Variants in ARID3A observed in about 807,000 individuals in gnomAD.
ARID3A encodes AT-rich interactive domain-containing protein 3A.
In ARID3A, 11 loss-of-function variants were observed where a neutral mutation model predicts 52.7. That is an observed-to-expected ratio of 0.21 (90% confidence interval 0.13 to 0.35). The LOEUF is 0.35. Ranked by LOEUF, ARID3A falls within the 10% of genes least tolerant of loss-of-function variation. The pLI is 1.00. For synonymous variants in ARID3A, 404 were observed against 359.4 expected (o/e 1.12, Z -1.40); for missense variants, 721 against 838.5 (o/e 0.86, Z 1.73).
chr19:969,985 G>A (rs1375624759), intron 8 of ARID3A, among the ~76,000 whole-genome samples: 2 of 151,700 alleles, frequency 1.3e-5, no homozygotes, highest in Non-Finnish European at 2.9e-5. Context: ...GAACCACCGC[G>A]CCCACCCTAT....
At position 941,815 on chromosome 19, in the gene ARID3A, T is replaced by C. The variant is rs935868312; in HGVS notation, c.693+9073T>C. Among the ~76,000 whole-genome samples the C allele has an allele frequency of 8.1e-5, 11 of 135,326 alleles. No homozygotes were observed. Among genetic ancestry groups the C allele is most frequent in the Non-Finnish European group, 1.2e-4 (8 of 64,236 alleles). 88.8% of individuals were successfully genotyped at this position (135,326 alleles called of 152,430 possible). On this transcript the variant is annotated intron_variant, in intron 3 of 8. Coordinates refer to ENST00000263620, the MANE Select transcript of ARID3A (RefSeq NM_005224.3). The surrounding 1 kb of genome is among the most constrained non-coding windows in gnomAD (Gnocchi z 6.9). ...TGTGTGTGTGTGTGTGTGTCAGGGG[T>C]GGCTGCAAGCGTATGTGTGTGTGCA...
chr19:967,293 C>T (rs895200916), intron 7 of ARID3A, among the ~76,000 whole-genome samples: 2 of 151,344 alleles, frequency 1.3e-5, no homozygotes, highest in African/African-American at 4.9e-5. Flanking sequence ...ACTGGCTGGG[C>T]ACCGTGGCTC....
At chr19:957,123 C>T (rs1383309901) in intron 3 of ARID3A, among the ~76,000 whole-genome samples, 3 of 145,614 alleles carry the variant, frequency 2.1e-5, no homozygotes, top group Non-Finnish European at 3.0e-5. Flanking sequence ...TGGGGGGGGG[C>T]GCTGGGGGAC....
At chr19:939,795 T>G (rs1044904119) in intron 3 of ARID3A, among the ~76,000 whole-genome samples, 2 of 152,174 alleles carry the variant, frequency 1.3e-5, no homozygotes, top group African/African-American at 4.8e-5. Flanking sequence ...TAAGCAATAC[T>G]GTAACGAACA....
chr19:928,951 C>G (rs1048962968), intron 1 of ARID3A: 16 of 152,316 alleles, frequency 1.1e-4, no homozygotes, highest in African/African-American at 3.6e-4. Flanking sequence ...GGGCCCGGAG[C>G]CCGCTGGCCA....
chr19:955,709 A>AG (rs148915291), intron 3 of ARID3A, among the ~76,000 whole-genome samples: 4 of 152,048 alleles, frequency 2.6e-5, no homozygotes, highest in African/African-American at 9.7e-5. Context: ...GTGCCAGGGA[A>AG]GGGGGGGTCC....
intron 6 of ARID3A, among the ~76,000 whole-genome samples, chr19:965,821 G>T (rs185518507): frequency 2.5e-4 from 38 of 151,702 alleles, no homozygotes; most frequent in African/African-American, 9.2e-4. Context: ...GTGAAACCCT[G>T]TCTCTACTAA....
In ARID3A at chr19:942,781, G is replaced by C. The variant is rs185392944; in HGVS notation, c.693+10039G>C. Among the ~76,000 whole-genome samples the C allele has an allele frequency of 6.6e-6, 1 of 152,318 alleles. No individual in the cohort carries two copies. The highest frequency in any genetic ancestry group is 1.9e-4 in the East Asian group (1 of 5,184). On this transcript the variant is annotated intron_variant, in intron 3 of 8. Coordinates refer to ENST00000263620, the MANE Select transcript of ARID3A (RefSeq NM_005224.3). This position sits in a 1 kb window ranked among gnomAD's most constrained non-coding sequence, Gnocchi z 8.1. Reference sequence around the variant, plus strand: ...GATTCCATGCCCAGCAGCCTCCTCTGCCACCCTCAGAGACGGAGAACGTGA... The same window carrying C: ...GATTCCATGCCCAGCAGCCTCCTCTCCCACCCTCAGAGACGGAGAACGTGA...
rs74873695 is a variant in ARID3A, at chr19:944,325, G to GGTGT, written c.693+11604_693+11607dup. On this transcript the variant is annotated intron_variant, in intron 3 of 8. Transcript: ENST00000263620. The surrounding 1 kb of genome is among the most constrained non-coding windows in gnomAD (Gnocchi z 5.9). ...TCTGGCTGCAGGGGCGCGTCCAGGG[G>GGTGT]GTGTGTGTGTGTGTGTGTGTGTGTC... 0.12 allele frequency among the ~76,000 whole-genome samples: 17,599 copies of GGTGT among 149,788 alleles called. 1,090 individuals are homozygous for GGTGT. The highest frequency in any genetic ancestry group is 0.23 in the East Asian group (1,152 of 5,014).
At chr19:955,998 T>C (rs1351349521) in intron 3 of ARID3A, among the ~76,000 whole-genome samples, 1 of 151,362 alleles carries the variant, frequency 6.6e-6, no homozygotes, top group Non-Finnish European at 1.5e-5. Flanking sequence ...GCTCCAGGAG[T>C]CCCTTGACAT....
intron 6 of ARID3A, among the ~76,000 whole-genome samples, chr19:965,663 C>T (rs1484115931): frequency 6.6e-6 from 1 of 152,106 alleles, no homozygotes; most frequent in Non-Finnish European, 1.5e-5. Context: ...CACTGCACTA[C>T]AGCCTGAGCA....
chr19:972,081 C>T lies in ARID3A; in HGVS notation c.*16C>T. The T allele has an allele frequency of 1.3e-6, 2 of 1,509,580 alleles. No individual in the cohort carries two copies. The highest frequency in any genetic ancestry group is 1.8e-6 in the Non-Finnish European group (2 of 1,131,946). 93.5% of individuals were successfully genotyped at this position (1,509,580 alleles called of 1,614,324 possible). On this transcript the variant is annotated 3_prime_UTR_variant, in exon 9 of 9. Transcript: ENST00000263620. ...GTTGCCTTAACCGCATCACTCCCCACCCGCCACCCACCCTGGAGCCCGCCG... is the reference window on the plus strand; with the variant it reads ...GTTGCCTTAACCGCATCACTCCCCATCCGCCACCCACCCTGGAGCCCGCCG...
chr19:971,919 G>A lies in ARID3A; in HGVS notation c.1636G>A (p.Ala546Thr), dbSNP rs1418467220. The A allele has an allele frequency of 5.6e-6, 9 of 1,604,850 alleles. No homozygotes were observed. Among genetic ancestry groups the A allele is most frequent in the East Asian group, 2.3e-5 (1 of 43,282 alleles). Residue 546 changes from alanine to threonine, a missense_variant, in exon 9 of 9, where the codon GCT (alanine) becomes ACT (threonine). Ala to Thr is a moderately conservative substitution (Grantham distance 58). This residue lies in a region of ARID3A where 297 missense variants were observed against 343.2 expected (regional missense o/e 0.87). Transcript: ENST00000263620. Reference protein sequence around the residue: ...AQPPAPTPTSAPNKGGGGGGG... With the variant: ...AQPPAPTPTSTPNKGGGGGGG... The stretch of plus-strand genomic sequence containing the variant: ...GCCGCCGGCCCCCACGCCAACCTCT[G>A]CTCCCAACAAAGGAGGCGGCGGCGG...
Position 975,762 on chromosome 19 carries a change from CCA to C in ARID3A, c.*3698_*3699del, listed in dbSNP as rs1491318714. ...AAAAAAAAAAAAAAAGACAAAAAGACCAAAAAAAAAAAAAAGTGTGATTTTGA... is the reference window on the plus strand; with the variant it reads ...AAAAAAAAAAAAAAAGACAAAAAGACAAAAAAAAAAAAAGTGTGATTTTGA... On this transcript the variant is annotated 3_prime_UTR_variant, in exon 9 of 9. Coordinates refer to ENST00000263620, the MANE Select transcript of ARID3A (RefSeq NM_005224.3). 6 of 102,900 alleles carry C rather than the reference CCA, an allele frequency of 5.8e-5. No homozygotes were observed. The highest frequency in any genetic ancestry group is 5.3e-4 in the East Asian group (5 of 9,454). 6.4% of individuals were successfully genotyped at this position (102,900 alleles called of 1,614,324 possible). A position where few individuals can be genotyped will look rare whatever the true frequency, so the allele number is the denominator to read the frequency against.
intron 3 of ARID3A, among the ~76,000 whole-genome samples, chr19:945,369 C>T (rs1303083096): frequency 2.6e-5 from 4 of 152,324 alleles, no homozygotes; most frequent in Non-Finnish European, 2.9e-5. Flanking sequence ...AGAGAGGGGA[C>T]GGCGTGTGGC....
intron 3 of ARID3A, among the ~76,000 whole-genome samples, chr19:946,577 A>C (rs1483313869): frequency 6.7e-6 from 1 of 149,894 alleles, no homozygotes; most frequent in Non-Finnish European, 1.5e-5. Flanking sequence ...AGTAGCTGGG[A>C]CTACAGGCGC....
rs1599437686 is a variant in ARID3A at position 975,423 on chromosome 19, T to C, written c.*3358T>C. ...ACGCATCTGTACAGTTGAATTTCCT[T>C]TCTCTTATCATGTTTTACCCACCTT... On this transcript the variant is annotated 3_prime_UTR_variant, in exon 9 of 9. Transcript: ENST00000263620. 1.3e-5 allele frequency: 3 copies of C among 230,814 alleles called. No individual in the cohort carries two copies. The East Asian group carries it at 1.8e-4, about 14-fold the overall frequency. The allele number at this position is 230,814 out of a possible 1,614,324, so 14.3% of individuals were successfully genotyped here.
intron 2 of ARID3A, among the ~76,000 whole-genome samples, chr19:931,451 CAA>C (rs768315126): frequency 6.3e-5 from 5 of 79,536 alleles, no homozygotes; most frequent in Admixed American, 1.3e-4. Context: ...GACTGTGTCT[CAA>C]AAAAAAAAAA....
At chr19:954,126 G>T (rs1221313347) in intron 3 of ARID3A, among the ~76,000 whole-genome samples, 2 of 152,112 alleles carry the variant, frequency 1.3e-5, no homozygotes, top group African/African-American at 4.8e-5. Flanking sequence ...GTGCTGGGGG[G>T]CCCTGGGAGG....
Sources: gnomAD v4.1 joint callset for allele counts (sites outside exome capture counted in the v4.1 genomes callset) on GRCh38, gnomAD v4.1.1 for gene constraint, gnomAD v4.1.1 regional missense constraint, Gnocchi (gnomAD v3.1) non-coding constraint, MANE v1.5 for transcripts, NCBI Gene and HGNC (gene_info 2026-07-23, HGNC 2026-07-21) for gene names.